Variants in EPHA6 observed in about 807,000 individuals in gnomAD.
EPHA6 encodes the protein EPH receptor A6, also known as ephrin type-A receptor 6.
EPHA6 carries 50 observed loss-of-function variants against 112.0 expected under a neutral mutation model. That is an observed-to-expected ratio of 0.45 (90% CI 0.36 to 0.56). EPHA6 has a LOEUF of 0.56. Ranked by LOEUF, EPHA6 falls within the 20% of genes least tolerant of loss-of-function variation. EPHA6 has a pLI of 0.00. For missense variants in EPHA6, 1,280 were observed against 1,417.4 expected, an observed-to-expected ratio of 0.90 and a Z score of 1.56; for synonymous variants, 529 against 490.7, an observed-to-expected ratio of 1.08 and a Z score of -1.03.
At position 97,736,113 on chromosome 3, in the gene EPHA6, C is replaced by T; in HGVS notation, c.3123C>T (p.Ile1041=). The change falls in exon 16 of 18, where the codon ATC becomes ATT. Residue 1041 remains isoleucine, a synonymous_variant. Coordinates refer to ENST00000389672, the MANE Select transcript of EPHA6 (RefSeq NM_001080448.3). ...PSALHTLVED[I]LVMPESPGEV... is the part of the protein sequence containing the mutation. ...CCCTTCACACCCTGGTGGAGGACAT[C>T]CTTGTGTAAGAGGCATAATGTTGAG... 6.2e-7 allele frequency: 1 copy of T among 1,610,496 alleles called. No individual in the cohort carries two copies. The highest frequency in any genetic ancestry group is 8.5e-7 in the Non-Finnish European group (1 of 1,177,832).
At chr3:97,061,515 AATT>A (rs1287119503) in intron 3 of EPHA6, among the ~76,000 whole-genome samples, 5 of 152,198 alleles carry the variant, frequency 3.3e-5, no homozygotes, top group Non-Finnish European at 7.3e-5. Context: ...TTTCTTCAAT[AATT>A]ATAGAATTGG....
At chr3:97,377,786 G>C (rs1050431086) in intron 5 of EPHA6, among the ~76,000 whole-genome samples, 7 of 152,186 alleles carry the variant, frequency 4.6e-5, no homozygotes, top group African/African-American at 1.7e-4. Flanking sequence ...ACTTGAAAGA[G>C]ATGATTTAGG....
chr3:97,602,512 A>C (rs2107414916), intron 12 of EPHA6, among the ~76,000 whole-genome samples: 1 of 152,208 alleles, frequency 6.6e-6, no homozygotes, highest in Non-Finnish European at 1.5e-5. Flanking sequence ...GAGATGGCCA[A>C]GCATTCAGAC....
At chr3:97,558,319 A>G (rs986160637) in intron 11 of EPHA6, among the ~76,000 whole-genome samples, 3 of 151,962 alleles carry the variant, frequency 2.0e-5, no homozygotes, top group Admixed American at 1.3e-4. Context: ...TGATATGGTC[A>G]TATACTCAGC....
intron 1 of EPHA6, among the ~76,000 whole-genome samples, chr3:96,820,777 G>A (rs2107217199): frequency 6.6e-6 from 1 of 152,048 alleles, no homozygotes; most frequent in Middle Eastern, 3.4e-3. Flanking sequence ...ATTCATTTCT[G>A]ACATGGTAAC....
At chr3:97,367,352 G>A (rs1018861928) in intron 5 of EPHA6, among the ~76,000 whole-genome samples, 1 of 152,090 alleles carries the variant, frequency 6.6e-6, no homozygotes. Context: ...TTCTGCAGCC[G>A]TATTGGAGAG....
At chr3:96,841,346 C>T (rs1024630571) in intron 1 of EPHA6, among the ~76,000 whole-genome samples, 4 of 152,162 alleles carry the variant, frequency 2.6e-5, no homozygotes, top group East Asian at 1.9e-4. Flanking sequence ...AGCAGTTTCC[C>T]GCTTGACTTC....
Position 97,274,242 on chromosome 3 carries a change from C to T in EPHA6, c.1606+29955C>T, listed in dbSNP as rs538428670. ...AGAGATTGATAGGTGGAAGTTTCAG[C>T]GGGGGAGTAGGTGGGAGTGACTGAC... On this transcript the variant is annotated intron_variant, in intron 5 of 17. Transcript: ENST00000389672. Among the ~76,000 whole-genome samples, 5 of 152,138 alleles carry T rather than the reference C, an allele frequency of 3.3e-5. No individual in the cohort carries two copies. In the East Asian group the frequency reaches 5.8e-4, roughly 18 times the overall value.
At chr3:97,492,974 CTTT>C (rs373733285) in intron 10 of EPHA6, among the ~76,000 whole-genome samples, 10,047 of 130,846 alleles carry the variant, frequency 0.077, 1,050 homozygotes, top group African/African-American at 0.24. Context: ...TAAGCTTTTC[CTTT>C]TTTTTTTTTT....
intron 3 of EPHA6, among the ~76,000 whole-genome samples, chr3:97,058,072 A>G (rs1559699525): frequency 6.6e-6 from 1 of 152,198 alleles, no homozygotes; most frequent in East Asian, 1.9e-4. Context: ...AATTTATAGT[A>G]TTTAAGACCA....
intron 14 of EPHA6, among the ~76,000 whole-genome samples, chr3:97,649,333 T>A (rs1398478138): frequency 1.3e-5 from 2 of 152,078 alleles, no homozygotes; most frequent in African/African-American, 2.4e-5. Context: ...AACCACCCCA[T>A]GATTCAATTA....
intron 3 of EPHA6, among the ~76,000 whole-genome samples, chr3:96,999,529 A>G (rs1447239767): frequency 9.4e-6 from 1 of 106,424 alleles, no homozygotes; most frequent in Non-Finnish European, 2.4e-5. Context: ...CAATGACTAC[A>G]GTATATGGCT....
In EPHA6 at chr3:97,626,758, A is replaced by T. The variant is rs906543228; in HGVS notation, c.2575-11115A>T. 9.9e-5 allele frequency among the ~76,000 whole-genome samples: 15 copies of T among 151,808 alleles called. No individual in the cohort carries two copies. In the East Asian group the frequency reaches 1.9e-3, roughly 20 times the overall value. On this transcript the variant is annotated intron_variant, in intron 13 of 17. Coordinates refer to ENST00000389672, the MANE Select transcript of EPHA6 (RefSeq NM_001080448.3). ...CTGGTTGATAAACTATTAGTAGCTT[A>T]AAATTTGCTATGTTGGGAGTAGTTA...
intron 3 of EPHA6, among the ~76,000 whole-genome samples, chr3:97,212,837 T>C (rs1338013920): frequency 6.6e-6 from 1 of 152,188 alleles, no homozygotes; most frequent in Admixed American, 6.5e-5. Flanking sequence ...TTCAGGAATA[T>C]GGTGTTAGTT....
intron 3 of EPHA6, among the ~76,000 whole-genome samples, chr3:97,062,206 G>A (rs1576416561): frequency 6.6e-6 from 1 of 152,138 alleles, no homozygotes; most frequent in African/African-American, 2.4e-5. Flanking sequence ...CACATTGATG[G>A]ATGTATCAGT....
chr3:97,196,355 A>T (rs2077441668), intron 3 of EPHA6, among the ~76,000 whole-genome samples: 1 of 151,768 alleles, frequency 6.6e-6, no homozygotes. Flanking sequence ...TATTCAATAA[A>T]CTTATCTGAC....
At chr3:97,498,774 G>A (rs994948309) in intron 10 of EPHA6, among the ~76,000 whole-genome samples, 4 of 152,116 alleles carry the variant, frequency 2.6e-5, no homozygotes, top group Non-Finnish European at 4.4e-5. Context: ...GCATGTGAGG[G>A]ACCTAGGTTG....
chr3:97,724,964 T>C (rs1304127399), intron 15 of EPHA6, among the ~76,000 whole-genome samples: 2 of 151,950 alleles, frequency 1.3e-5, no homozygotes. Context: ...TTAATAAATA[T>C]ATATGCCAAG....
intron 3 of EPHA6, among the ~76,000 whole-genome samples, chr3:97,168,525 CTGTG>C (rs1338896084): frequency 6.6e-6 from 1 of 151,952 alleles, no homozygotes; most frequent in African/African-American, 2.4e-5. Flanking sequence ...CTGTGTTTCT[CTGTG>C]TGTTTCTCTC....
Sources: gnomAD v4.1 joint callset for allele counts (sites outside exome capture counted in the v4.1 genomes callset) on GRCh38, gnomAD v4.1.1 for gene constraint, MANE v1.5 for transcripts, NCBI Gene and HGNC (gene_info 2026-07-23, HGNC 2026-07-21) for gene names.